AHI1: variants seen among roughly 807,000 people sequenced by gnomAD.
The protein encoded by AHI1 is jouberin.
AHI1 carries 123 observed loss-of-function variants against 149.3 expected under a neutral mutation model. The ratio of observed to expected loss-of-function variants is 0.82; its 90% CI spans 0.71 to 0.96. The LOEUF (loss-of-function observed/expected upper bound fraction) is 0.96, where lower values mean the gene tolerates loss of function less well. AHI1 is among the 40% of genes least tolerant of loss of function. The pLI is 0.00. For synonymous variants in AHI1, 475 were observed against 459.8 expected (o/e 1.03, Z -0.42); for missense variants, 1,439 against 1,422.7 (o/e 1.01, Z -0.18).
chr6:135,317,432 A>G (rs1395417271), intron 26 of AHI1, among the ~76,000 whole-genome samples: 1 of 149,738 alleles, frequency 6.7e-6, no homozygotes, highest in East Asian at 1.9e-4. Context: ...AGGTTTTTCT[A>G]ACTTCACTGA....
intron 14 of AHI1, among the ~76,000 whole-genome samples, chr6:135,441,153 T>C (rs1373441426): frequency 6.8e-6 from 1 of 146,678 alleles, no homozygotes; most frequent in East Asian, 2.0e-4. Flanking sequence ...AAAAAAAAAG[T>C]CCAACTAGAA....
chr6:135,472,825 T>A (rs1791961872), intron 5 of AHI1, among the ~76,000 whole-genome samples: 1 of 152,196 alleles, frequency 6.6e-6, no homozygotes, highest in Non-Finnish European at 1.5e-5. Context: ...TTGCCCTTTT[T>A]AATTAGGCTG....
intron 20 of AHI1, among the ~76,000 whole-genome samples, chr6:135,418,800 C>T (rs532242444): frequency 6.6e-6 from 1 of 152,088 alleles, no homozygotes; most frequent in East Asian, 1.9e-4. Flanking sequence ...TTACTGGATA[C>T]CTAATTTCTT....
intron 24 of AHI1, among the ~76,000 whole-genome samples, chr6:135,354,637 A>G (rs1792678982): frequency 6.6e-6 from 1 of 152,164 alleles, no homozygotes; most frequent in Admixed American, 6.5e-5. Context: ...GGTTCAGACA[A>G]TAACCTCTGA....
chr6:135,465,051 C>T lies in AHI1; in HGVS notation c.749+763G>A, dbSNP rs530592603. Among the ~76,000 whole-genome samples, 13 of 152,210 alleles carry T rather than the reference C, an allele frequency of 8.5e-5. No individual in the cohort carries two copies. The South Asian group carries it at 2.3e-3, about 27-fold the overall frequency. On this transcript the variant is annotated intron_variant, in intron 7 of 28. Transcript: ENST00000265602. ...TGGTTTGCCGTATCTTTATTACCAC[C>T]GGTCACCTAGCTTTTGAAAAGAGGG...
chr6:135,296,793 GC>G (rs1430587474), intron 27 of AHI1, among the ~76,000 whole-genome samples: 1 of 152,154 alleles, frequency 6.6e-6, no homozygotes, highest in Non-Finnish European at 1.5e-5. Flanking sequence ...GCTCCTTATA[GC>G]AGGGATTTTT....
At chr6:135,337,376 C>CATTAACATACATACATATGTAT (rs1789557210) in intron 24 of AHI1, among the ~76,000 whole-genome samples, 4 of 152,074 alleles carry the variant, frequency 2.6e-5, no homozygotes, top group South Asian at 2.1e-4. Flanking sequence ...TACATATGTA[C>CATTAACATACATACATATGTAT]ACATTAACAT....
chr6:135,480,884 T>C (rs61275914), intron 5 of AHI1, among the ~76,000 whole-genome samples: 11,827 of 152,230 alleles, frequency 0.078, 1,099 homozygotes, highest in African/African-American at 0.22. Flanking sequence ...CTATTACAAA[T>C]GACGCAGGCA....
Position 135,394,842 on chromosome 6 carries a change from T to TA in AHI1, c.3042dup (p.Lys1015Ter). Reference sequence around the variant, plus strand: ...GTCAGCATGTTTGACTGCTTTAACTTAGACTGTTGTGAGGAAACTGCTGGT... The same window carrying TA: ...GTCAGCATGTTTGACTGCTTTAACTTAAGACTGTTGTGAGGAAACTGCTGGT... On this transcript the variant is annotated frameshift_variant, in exon 23 of 29. Coordinates refer to ENST00000265602, the MANE Select transcript of AHI1 (RefSeq NM_001134831.2). LOFTEE classifies it high-confidence loss of function. 1.2e-6 allele frequency: 2 copies of TA among 1,606,844 alleles called. No individual in the cohort carries two copies. The highest frequency in any genetic ancestry group is 1.7e-6 in the Non-Finnish European group (2 of 1,176,140).
chr6:135,401,838 A>G (rs972505266), intron 22 of AHI1, among the ~76,000 whole-genome samples: 1 of 152,136 alleles, frequency 6.6e-6, no homozygotes, highest in Admixed American at 6.6e-5. Flanking sequence ...AATAAACTGA[A>G]CCTCATAAAA....
At chr6:135,439,484 T>C (rs1468149761) in intron 14 of AHI1, among the ~76,000 whole-genome samples, 1 of 152,194 alleles carries the variant, frequency 6.6e-6, no homozygotes, top group African/African-American at 2.4e-5. Context: ...AGAGTAATCA[T>C]GTTGGCAATT....
intron 5 of AHI1, among the ~76,000 whole-genome samples, chr6:135,486,866 C>G (rs1364482224): frequency 6.6e-6 from 1 of 152,136 alleles, no homozygotes. Flanking sequence ...TTCCCAGGCT[C>G]AAGCAATCCT....
At chr6:135,452,590 TA>T (rs1317553082) in intron 11 of AHI1, among the ~76,000 whole-genome samples, 1 of 152,224 alleles carries the variant, frequency 6.6e-6, no homozygotes, top group Non-Finnish European at 1.5e-5. Context: ...TTCTTTTGTT[TA>T]AAATCCCACA....
At position 135,446,903 on chromosome 6, in the gene AHI1, A is replaced by C. The variant is rs1787323997; in HGVS notation, c.1779+105T>G. The C allele has an allele frequency of 2.4e-6, 3 of 1,235,018 alleles. No homozygotes were observed. In the South Asian group the frequency reaches 5.9e-5, roughly 24 times the overall value. The allele number at this position is 1,235,018 out of a possible 1,614,324, so 76.5% of individuals were successfully genotyped here. On this transcript the variant is annotated intron_variant, in intron 13 of 28. Coordinates refer to ENST00000265602, the MANE Select transcript of AHI1 (RefSeq NM_001134831.2). ...AAAATTGTGGTTAAAAACAAGGATA[A>C]ATAGCAAGCATTTTAAGTAGTAAGC...
In AHI1 at chr6:135,457,678, C is replaced by G; in HGVS notation, c.967G>C (p.Val323Leu). 6.2e-7 allele frequency: 1 copy of G among 1,613,846 alleles called. No homozygotes were observed. The highest frequency in any genetic ancestry group is 1.3e-5 in the African/African-American group (1 of 75,034). The change falls in exon 9 of 29, where the codon GTT becomes CTT. Residue 323 changes from valine (V) to leucine (L), a missense_variant. Val to Leu is a conservative substitution (Grantham distance 32). Transcript: ENST00000265602. ...CTATCTCGGCTTGTTATTTCATGAA[C>G]ACCATCACCATCAACATCTTCATTA... ...DNNEDVDGDG[V>L]HEITSRDSPV...
chr6:135,400,711 A>C (rs1255519132), intron 22 of AHI1, among the ~76,000 whole-genome samples: 2 of 152,238 alleles, frequency 1.3e-5, no homozygotes, highest in African/African-American at 4.8e-5. Flanking sequence ...TACAGATAAA[A>C]GGTTAAATAT....
In AHI1 at chr6:135,391,432, C is replaced by T. The variant is rs538065322; in HGVS notation, c.3109+3344G>A. Among the ~76,000 whole-genome samples, 5 of 152,164 alleles carry T rather than the reference C, an allele frequency of 3.3e-5. No homozygotes were observed. In the South Asian group the frequency reaches 6.2e-4, roughly 19 times the overall value. On this transcript the variant is annotated intron_variant, in intron 23 of 28. Transcript: ENST00000265602. Reference sequence around the variant, plus strand: ...TCACAACCTAGATCCCTACGTGTGCCGTTCACAGTAGAATCTAATGATGTC... The same window carrying T: ...TCACAACCTAGATCCCTACGTGTGCTGTTCACAGTAGAATCTAATGATGTC...
intron 4 of AHI1, among the ~76,000 whole-genome samples, chr6:135,491,289 A>G (rs1037840644): frequency 6.6e-6 from 1 of 152,120 alleles, no homozygotes; most frequent in African/African-American, 2.4e-5. Flanking sequence ...AGGGCTCCAT[A>G]CCTCCTGATC....
rs147529039 is a variant in AHI1, at chr6:135,429,002, T to C, written c.2493-243A>G. Among the ~76,000 whole-genome samples the C allele has an allele frequency of 0.026, 3,936 of 151,744 alleles. 155 individuals are homozygous for C. The highest frequency in any genetic ancestry group is 0.088 in the African/African-American group (3,642 of 41,504). ...GTCAACGTAAAATAGAAGGTGGATG[T>C]AGAACATACTGCAAAAGAAAAACAG... is the stretch of plus-strand genomic sequence containing the variant. On this transcript the variant is annotated intron_variant, in intron 18 of 28. Coordinates refer to ENST00000265602, the MANE Select transcript of AHI1 (RefSeq NM_001134831.2).
Sources: allele counts gnomAD v4.1 joint callset (sites outside exome capture counted in the v4.1 genomes callset), GRCh38; gene constraint gnomAD v4.1.1; transcripts MANE v1.5; gene names NCBI Gene and HGNC (gene_info 2026-07-23, HGNC 2026-07-21).